Variants in ODAD2 observed in about 807,000 individuals in gnomAD.
The protein encoded by ODAD2 is outer dynein arm-docking complex subunit 2.
In ODAD2, 89 loss-of-function variants were observed where a neutral mutation model predicts 106.8. The observed-to-expected ratio is 0.83, with a 90% confidence interval of 0.70 to 0.99. The LOEUF (loss-of-function observed/expected upper bound fraction) is 0.99. ODAD2 is among the 50% of genes least tolerant of loss of function. The pLI is 0.00. For missense variants in ODAD2, 1,168 were observed against 1,238.5 expected (o/e 0.94, Z 0.85); for synonymous variants, 404 against 436.2 (o/e 0.93, Z 0.92).
chr10:27,959,062 C>T (rs1341823312), intron 10 of ODAD2: 11 of 1,243,910 alleles, frequency 8.8e-6, no homozygotes, highest in South Asian at 5.3e-5. Flanking sequence ...CTTGGACGGG[C>T]TTAGAGGCTC....
At chr10:27,962,634 C>T (rs1443829428) in intron 9 of ODAD2, among the ~76,000 whole-genome samples, 1 of 152,226 alleles carries the variant, frequency 6.6e-6, no homozygotes, top group African/African-American at 2.4e-5. Context: ...TTGAGTTCCA[C>T]AGAAGTACAC....
chr10:27,940,797 T>G lies in ODAD2; in HGVS notation c.1752A>C (p.Leu584=). 8.1e-6 allele frequency: 13 copies of G among 1,613,758 alleles called. No individual in the cohort carries two copies. The highest frequency in any genetic ancestry group is 1.1e-5 in the Non-Finnish European group (13 of 1,179,772). ...QHGGITKLVA[L]LDCAHDSTKP... ...TTGTGGAATCATGTGCACAGTCTAG[T>G]AGAGCAACCTATAATAATAGATAAA... Residue 584 remains leucine, a synonymous_variant, in exon 13 of 20, where the codon CTA becomes CTC. Coordinates refer to ENST00000305242, the MANE Select transcript of ODAD2 (RefSeq NM_018076.5).
At chr10:27,877,131 A>C (rs1313515396) in intron 17 of ODAD2, among the ~76,000 whole-genome samples, 1 of 152,246 alleles carries the variant, frequency 6.6e-6, no homozygotes, top group Non-Finnish European at 1.5e-5. Context: ...TAAAAGGAAC[A>C]GAGTATTAGC....
intron 9 of ODAD2, among the ~76,000 whole-genome samples, chr10:27,966,892 G>A (rs1848520243): frequency 6.7e-6 from 1 of 148,912 alleles, no homozygotes. Flanking sequence ...CAAACATAAG[G>A]TGACTCTGAA....
At position 27,988,396 on chromosome 10, in the gene ODAD2, G is replaced by A. The variant is rs183551392; in HGVS notation, c.225-853C>T. On this transcript the variant is annotated intron_variant, in intron 2 of 19. Transcript: ENST00000305242. Reference sequence around the variant, plus strand: ...TCTGTCACCGGGATTGGAGTGCAGTGGCGTGATCTCGGGTCACTGCAACCT... The same window carrying A: ...TCTGTCACCGGGATTGGAGTGCAGTAGCGTGATCTCGGGTCACTGCAACCT... Among the ~76,000 whole-genome samples the A allele has an allele frequency of 2.0e-5, 3 of 147,686 alleles. No homozygotes were observed. The South Asian group carries it at 6.5e-4, about 32-fold the overall frequency.
chr10:27,890,362 A>G lies in ODAD2; in HGVS notation c.2610+17301T>C, dbSNP rs151271408. On this transcript the variant is annotated intron_variant, in intron 17 of 19. Transcript: ENST00000305242. ...TGGCTGAGGTGAATATAATGACATAATTTAATAGATGAAGTTATTAATTTA... is the reference window on the plus strand; with the variant it reads ...TGGCTGAGGTGAATATAATGACATAGTTTAATAGATGAAGTTATTAATTTA... 1.3e-3 allele frequency among the ~76,000 whole-genome samples: 201 copies of G among 152,320 alleles called. 1 individual carries two copies. The highest frequency in any genetic ancestry group is 4.7e-3 in the African/African-American group (195 of 41,566).
chr10:27,824,363 G>A (rs1054378502), intron 19 of ODAD2, among the ~76,000 whole-genome samples: 25 of 152,042 alleles, frequency 1.6e-4, no homozygotes, highest in Admixed American at 8.5e-4. Flanking sequence ...CCTTATGAAC[G>A]GATTAATGCT....
At chr10:27,872,621 T>C (rs963271705) in intron 17 of ODAD2, among the ~76,000 whole-genome samples, 4 of 152,180 alleles carry the variant, frequency 2.6e-5, no homozygotes, top group African/African-American at 9.7e-5. Context: ...AATCATGTGG[T>C]TTTTGTCTTT....
At chr10:27,970,100 A>AT (rs1848742013) in intron 8 of ODAD2, among the ~76,000 whole-genome samples, 1 of 141,038 alleles carries the variant, frequency 7.1e-6, no homozygotes, top group Non-Finnish European at 1.5e-5. Flanking sequence ...TTCTGTCTCA[A>AT]AAAATAAATA....
rs192537668 is a variant in ODAD2 at position 27,840,600 on chromosome 10, A to G, written c.3021+20025T>C. On this transcript the variant is annotated intron_variant, in intron 19 of 19. Transcript: ENST00000305242. Reference sequence around the variant, plus strand: ...ATTTTTGAACTGAAAATGGGGGTGGAGAAAATATGTGGCCTCCTTGGGTGG... The same window carrying G: ...ATTTTTGAACTGAAAATGGGGGTGGGGAAAATATGTGGCCTCCTTGGGTGG... Among the ~76,000 whole-genome samples, 309 of 152,276 alleles carry G rather than the reference A, an allele frequency of 2.0e-3. 1 individual carries two copies. Among genetic ancestry groups the G allele is most frequent in the South Asian group, 5.6e-3 (27 of 4,824 alleles).
intron 7 of ODAD2, among the ~76,000 whole-genome samples, chr10:27,978,791 CA>C (rs1340619179): frequency 6.6e-6 from 1 of 151,336 alleles, no homozygotes; most frequent in Non-Finnish European, 1.5e-5. Context: ...GACTCCATCT[CA>C]AAAAAAGAAA....
chr10:27,827,071 G>A (rs1036985276), intron 19 of ODAD2, among the ~76,000 whole-genome samples: 1 of 152,010 alleles, frequency 6.6e-6, no homozygotes, highest in South Asian at 2.1e-4. Context: ...AATAACACTT[G>A]TCCCATTGGT....
At chr10:27,854,605 A>T (rs1839527324) in intron 19 of ODAD2, among the ~76,000 whole-genome samples, 1 of 151,986 alleles carries the variant, frequency 6.6e-6, no homozygotes, top group Admixed American at 6.6e-5. Context: ...AAAATACAAA[A>T]ATTAGCCCGG....
At chr10:27,998,315 G>C (rs1417117291) in intron 1 of ODAD2, among the ~76,000 whole-genome samples, 3 of 152,146 alleles carry the variant, frequency 2.0e-5, no homozygotes, top group Non-Finnish European at 2.9e-5. Flanking sequence ...GCCTAGTGTG[G>C]GATGACGGCC....
chr10:27,827,598 T>C (rs560532633), intron 19 of ODAD2, among the ~76,000 whole-genome samples: 1 of 151,970 alleles, frequency 6.6e-6, no homozygotes. Context: ...AAACTCCTCT[T>C]GTTTTTACTT....
At chr10:27,922,052 A>G (rs1218709057) in intron 16 of ODAD2, among the ~76,000 whole-genome samples, 1 of 151,138 alleles carries the variant, frequency 6.6e-6, no homozygotes, top group Non-Finnish European at 1.5e-5. Flanking sequence ...CTGTAGTCCC[A>G]GGCACTTGGT....
chr10:27,949,913 T>G (rs1286425974), intron 10 of ODAD2, among the ~76,000 whole-genome samples: 1 of 152,104 alleles, frequency 6.6e-6, no homozygotes. Flanking sequence ...CAAGTGTAGA[T>G]GAAACTCCAA....
intron 17 of ODAD2, among the ~76,000 whole-genome samples, chr10:27,903,700 T>C (rs1464698788): frequency 1.3e-5 from 2 of 152,162 alleles, no homozygotes; most frequent in Non-Finnish European, 2.9e-5. Flanking sequence ...TCATTCACAA[T>C]TGCTACAAAG....
intron 16 of ODAD2, among the ~76,000 whole-genome samples, chr10:27,928,652 CAT>C (rs1416715182): frequency 2.0e-5 from 3 of 152,222 alleles, no homozygotes; most frequent in Non-Finnish European, 4.4e-5. Context: ...AATTAAATAA[CAT>C]GTCTTGATAT....
Sources: allele counts gnomAD v4.1 joint callset (sites outside exome capture counted in the v4.1 genomes callset), GRCh38; gene constraint gnomAD v4.1.1; transcripts MANE v1.5; gene names NCBI Gene and HGNC (gene_info 2026-07-23, HGNC 2026-07-21).